The following SERTAD2 variants were observed in gnomAD, a reference collection of about 807,000 sequenced individuals.
SERTAD2 encodes SERTA domain-containing protein 2.
Under a neutral mutation model 15.4 loss-of-function variants are expected in SERTAD2, and 2 were observed. The ratio of observed to expected loss-of-function variants is 0.13; its 90% confidence interval spans 0.05 to 0.41. SERTAD2 has a LOEUF of 0.41. SERTAD2 is among the 10% of genes least tolerant of loss of function. The pLI is 0.99. For missense variants in SERTAD2, 333 were observed against 409.7 expected (o/e 0.81, Z 1.62); for synonymous variants, 180 against 178.0 (o/e 1.01, Z -0.09).
At chr2:64,652,395 GC>G (rs1210731392) in intron 1 of SERTAD2, among the ~76,000 whole-genome samples, 2 of 152,170 alleles carry the variant, frequency 1.3e-5, no homozygotes, top group Non-Finnish European at 2.9e-5. Context: ...CAGGGGCGGA[GC>G]GAAGCCCAAA....
At chr2:64,645,746 G>T (rs1674888445) in intron 1 of SERTAD2, among the ~76,000 whole-genome samples, 1 of 152,154 alleles carries the variant, frequency 6.6e-6, no homozygotes, top group South Asian at 2.1e-4. Flanking sequence ...AGGCTTTTTA[G>T]AATATAAATG....
At chr2:64,641,888 AT>A (rs1276855467) in intron 1 of SERTAD2, among the ~76,000 whole-genome samples, 1 of 152,198 alleles carries the variant, frequency 6.6e-6, no homozygotes, top group African/African-American at 2.4e-5. Flanking sequence ...TGGAGGCCTG[AT>A]AAGCACAGGC....
intron 1 of SERTAD2, among the ~76,000 whole-genome samples, chr2:64,637,714 A>G (rs1302853928): frequency 6.6e-6 from 1 of 152,198 alleles, no homozygotes; most frequent in African/African-American, 2.4e-5. Context: ...AGATACATGC[A>G]TATTTTGAGG....
chr2:64,643,587 C>G (rs5025949), intron 1 of SERTAD2, among the ~76,000 whole-genome samples: 139,388 of 152,370 alleles, frequency 0.91, 63,824 homozygotes, highest in African/African-American at 0.94. Context: ...TGTATGCCTT[C>G]GCAGGGCAAG....
At chr2:64,652,786 T>A (rs1452078193) in intron 1 of SERTAD2, among the ~76,000 whole-genome samples, 8 of 152,172 alleles carry the variant, frequency 5.3e-5, no homozygotes, top group Non-Finnish European at 1.2e-4. Flanking sequence ...TCGTGAAACT[T>A]AGAAACTAAA....
rs1442624431 is a variant in SERTAD2 at position 64,633,653 on chromosome 2, AT to A, written c.*2273del. 1.3e-5 allele frequency: 2 copies of A among 152,242 alleles called. No individual in the cohort carries two copies. Among genetic ancestry groups the A allele is most frequent in the Non-Finnish European group, 2.9e-5 (2 of 68,040 alleles). 9.4% of individuals were successfully genotyped at this position (152,242 alleles called of 1,614,324 possible). A position where few individuals can be genotyped will look rare whatever the true frequency, so the allele number is the denominator to read the frequency against. On this transcript the variant is annotated 3_prime_UTR_variant, in exon 2 of 2. Coordinates refer to ENST00000313349, the MANE Select transcript of SERTAD2 (RefSeq NM_014755.3). ...TCTGCAAGAAAGGGAAGCTCTTAAAATTAACAGGCATACTGACACTGGAAGC... is the reference window on the plus strand; with the variant it reads ...TCTGCAAGAAAGGGAAGCTCTTAAAATAACAGGCATACTGACACTGGAAGC...
Position 64,635,361 on chromosome 2 carries a change from A to G in SERTAD2, c.*566T>C, listed in dbSNP as rs1233549190. 3 of 152,770 alleles carry G rather than the reference A, an allele frequency of 2.0e-5. No homozygotes were observed. The highest frequency in any genetic ancestry group is 7.2e-5 in the African/African-American group (3 of 41,462). The allele number at this position is 152,770 out of a possible 1,614,324, so 9.5% of individuals were successfully genotyped here. ...AGAAAAACAATATCATAAACTGCAG[A>G]ATCTGTACAAAAATATAAAATAAAT... On this transcript the variant is annotated 3_prime_UTR_variant, in exon 2 of 2. Transcript: ENST00000313349.
intron 1 of SERTAD2, among the ~76,000 whole-genome samples, chr2:64,652,770 A>T (rs1284121770): frequency 6.6e-6 from 1 of 152,086 alleles, no homozygotes; most frequent in Non-Finnish European, 1.5e-5. Flanking sequence ...ACTATACCTG[A>T]TATTTTCGTG....
At position 64,641,494 on chromosome 2, in the gene SERTAD2, G is replaced by A. The variant is rs531903360; in HGVS notation, c.-4-4619C>T. On this transcript the variant is annotated intron_variant, in intron 1 of 1. Coordinates refer to ENST00000313349, the MANE Select transcript of SERTAD2 (RefSeq NM_014755.3). ...ATAGTGAGCCCCCTAGGGCACAGAC[G>A]GTGTGTGTTTTGTTCACTTCTGTAC... Among the ~76,000 whole-genome samples, 8 of 152,272 alleles carry A rather than the reference G, an allele frequency of 5.3e-5. No individual in the cohort carries two copies. The South Asian group carries it at 1.4e-3, about 28-fold the overall frequency.
chr2:64,651,913 G>T (rs1675019838), intron 1 of SERTAD2, among the ~76,000 whole-genome samples: 1 of 151,950 alleles, frequency 6.6e-6, no homozygotes, highest in Non-Finnish European at 1.5e-5. Context: ...GGGGTTGGGG[G>T]ATGTCAAATC....
chr2:64,644,333 T>C (rs141602378), intron 1 of SERTAD2, among the ~76,000 whole-genome samples: 135 of 152,364 alleles, frequency 8.9e-4, no homozygotes, highest in African/African-American at 2.9e-3. Flanking sequence ...CAGAATATGC[T>C]GTTTCTCTTC....
intron 1 of SERTAD2, among the ~76,000 whole-genome samples, chr2:64,641,103 T>C (rs1674766695): frequency 2.0e-5 from 3 of 152,196 alleles, no homozygotes; most frequent in Non-Finnish European, 1.5e-5. Context: ...AAATGAAAAC[T>C]TCTGGAGTTT....
At chr2:64,651,922 TC>T (rs1675020136) in intron 1 of SERTAD2, among the ~76,000 whole-genome samples, 1 of 151,582 alleles carries the variant, frequency 6.6e-6, no homozygotes, top group Admixed American at 6.6e-5. Flanking sequence ...GGATGTCAAA[TC>T]CAAAATAAGA....
chr2:64,637,697 A>C (rs371105321), intron 1 of SERTAD2, among the ~76,000 whole-genome samples: 1 of 152,192 alleles, frequency 6.6e-6, no homozygotes, highest in Non-Finnish European at 1.5e-5. Context: ...ACCTCCTGTG[A>C]TTCCAGAGAT....
chr2:64,644,278 G>A (rs1423435900), intron 1 of SERTAD2, among the ~76,000 whole-genome samples: 1 of 152,212 alleles, frequency 6.6e-6, no homozygotes, highest in African/African-American at 2.4e-5. Flanking sequence ...GCCGAAAAGA[G>A]GCTCAAAGTA....
intron 1 of SERTAD2, among the ~76,000 whole-genome samples, chr2:64,647,560 GA>G (rs1390529832): frequency 6.6e-6 from 1 of 151,754 alleles, no homozygotes; most frequent in African/African-American, 2.4e-5. Context: ...TTTCCCTAAA[GA>G]TACACTGTTT....
chr2:64,636,931 A>C (rs1674675365), intron 1 of SERTAD2, 56 bp from the exon 2 acceptor site: 2 of 1,279,850 alleles, frequency 1.6e-6, no homozygotes, highest in South Asian at 2.8e-5. Flanking sequence ...GATTTCTCCC[A>C]TAAAAAAAGA....
chr2:64,634,854 T>G lies in SERTAD2; in HGVS notation c.*1073A>C, dbSNP rs534516886. ...TCTGGGTTTTCATTAAAAAACAAAA[T>G]AAAAACAATTAAAAGCGCAAACTTG... On this transcript the variant is annotated 3_prime_UTR_variant, in exon 2 of 2. Transcript: ENST00000313349. 1.3e-5 allele frequency: 2 copies of G among 152,396 alleles called. No individual in the cohort carries two copies. The highest frequency in any genetic ancestry group is 4.1e-4 in the South Asian group (2 of 4,820). The allele number at this position is 152,396 out of a possible 1,614,324, so 9.4% of individuals were successfully genotyped here. A position where few individuals can be genotyped will look rare whatever the true frequency, so the allele number is the denominator to read the frequency against.
chr2:64,635,803 C>T lies in SERTAD2; in HGVS notation c.*124G>A, dbSNP rs1386355515. ...GCTCAAAGCAAAAACTAGTGTGATC[C>T]TGTTGTAAAATTTTCTTTTTCTCTG... is the stretch of plus-strand genomic sequence containing the variant. On this transcript the variant is annotated 3_prime_UTR_variant, in exon 2 of 2. Coordinates refer to ENST00000313349, the MANE Select transcript of SERTAD2 (RefSeq NM_014755.3). 1.4e-6 allele frequency: 1 copy of T among 730,454 alleles called. No homozygotes were observed. Among genetic ancestry groups the T allele is most frequent in the African/African-American group, 1.8e-5 (1 of 56,282 alleles). The allele number at this position is 730,454 out of a possible 1,614,324, so 45.2% of individuals were successfully genotyped here.
Sources: gnomAD v4.1 joint callset for allele counts (sites outside exome capture counted in the v4.1 genomes callset) on GRCh38, gnomAD v4.1.1 for gene constraint, MANE v1.5 for transcripts, NCBI Gene and HGNC (gene_info 2026-07-23, HGNC 2026-07-21) for gene names.